The following MTHFD2L variants were observed in gnomAD, a reference collection of about 807,000 sequenced individuals.
MTHFD2L encodes methylenetetrahydrofolate dehydrogenase (NADP+ dependent) 2 like.
MTHFD2L carries 29 observed loss-of-function variants against 34.9 expected under a neutral mutation model. The ratio of observed to expected loss-of-function variants is 0.83; its 90% CI spans 0.62 to 1.13. MTHFD2L has a LOEUF of 1.13. Among genes scored for constraint, MTHFD2L ranks in the 50% most tolerant of loss-of-function variants. The pLI, the probability that MTHFD2L is intolerant of heterozygous loss-of-function variation, is 0.00. For missense variants in MTHFD2L, 481 were observed against 446.5 expected (o/e 1.08, Z -0.70); for synonymous variants, 167 against 155.7 (o/e 1.07, Z -0.54).
intron 3 of MTHFD2L, among the ~76,000 whole-genome samples, chr4:74,188,875 C>A (rs6817216): frequency 0.99 from 136,112 of 137,234 alleles, 67,516 homozygotes; most frequent in Middle Eastern, 1. Flanking sequence ...AAATGTATGC[C>A]GTCTATTATA....
chr4:74,215,158 T>G (rs762473790), intron 5 of MTHFD2L, among the ~76,000 whole-genome samples: 4 of 151,714 alleles, frequency 2.6e-5, no homozygotes, highest in African/African-American at 4.9e-5. Flanking sequence ...TGGGATCCGC[T>G]GAACTAGACC....
chr4:74,215,597 G>T, intron 5 of MTHFD2L, among the ~76,000 whole-genome samples: 1 of 151,770 alleles, frequency 6.6e-6, no homozygotes, highest in East Asian at 1.9e-4. Context: ...CCCACCTTCT[G>T]CATTGATCTC....
chr4:74,215,063 C>G (rs890762999), intron 5 of MTHFD2L, among the ~76,000 whole-genome samples: 1 of 151,718 alleles, frequency 6.6e-6, no homozygotes, highest in Non-Finnish European at 1.5e-5. Context: ...TGAACAAGCT[C>G]AAGCATCCCA....
chr4:74,257,795 A>G (rs1292586757), intron 6 of MTHFD2L, among the ~76,000 whole-genome samples: 1 of 152,160 alleles, frequency 6.6e-6, no homozygotes, highest in African/African-American at 2.4e-5. Flanking sequence ...AGACACTCAG[A>G]ATGAGAGATT....
intron 1 of MTHFD2L, among the ~76,000 whole-genome samples, chr4:74,149,384 CT>C (rs2109853473): frequency 6.7e-6 from 1 of 149,968 alleles, no homozygotes; most frequent in African/African-American, 2.4e-5. Context: ...CTAAATGCCC[CT>C]ATTTAATAAT....
rs1370401731 is a variant in MTHFD2L, at chr4:74,302,103, T to C, written c.*294T>C. 1.4e-5 allele frequency: 3 copies of C among 213,628 alleles called. No homozygotes were observed. Among genetic ancestry groups the C allele is most frequent in the Non-Finnish European group, 2.7e-5 (3 of 109,296 alleles). 13.2% of individuals were successfully genotyped at this position (213,628 alleles called of 1,614,324 possible). The stretch of plus-strand genomic sequence containing the variant: ...ATAAAGGGCTCATAATAAATAAATA[T>C]ATTTTTGACACAATTAAATATTACA... On this transcript the variant is annotated 3_prime_UTR_variant, in exon 8 of 8. Transcript: ENST00000325278.
At chr4:74,181,349 G>C (rs1289052255) in intron 3 of MTHFD2L, among the ~76,000 whole-genome samples, 2 of 152,140 alleles carry the variant, frequency 1.3e-5, no homozygotes, top group Non-Finnish European at 2.9e-5. Context: ...TGCCAACACT[G>C]TACAGAAGTG....
intron 6 of MTHFD2L, among the ~76,000 whole-genome samples, chr4:74,276,734 A>G (rs746504256): frequency 1.2e-4 from 19 of 152,136 alleles, no homozygotes; most frequent in Non-Finnish European, 2.5e-4. Flanking sequence ...GCTTCCGATC[A>G]TTTGCCTCTG....
chr4:74,230,233 G>C (rs1739805651), intron 6 of MTHFD2L, among the ~76,000 whole-genome samples: 1 of 152,154 alleles, frequency 6.6e-6, no homozygotes, highest in Admixed American at 6.6e-5. Context: ...TCATGAAAGA[G>C]TAGTTCATGT....
At chr4:74,264,249 G>T (rs574574128) in intron 6 of MTHFD2L, among the ~76,000 whole-genome samples, 19 of 152,094 alleles carry the variant, frequency 1.2e-4, no homozygotes, top group Admixed American at 3.3e-4. Flanking sequence ...AGACTAGGAA[G>T]GAGGAAGTAA....
intron 5 of MTHFD2L, among the ~76,000 whole-genome samples, chr4:74,205,190 A>G (rs1006199040): frequency 5.9e-5 from 9 of 152,190 alleles, no homozygotes; most frequent in African/African-American, 2.2e-4. Context: ...TATTATTAAT[A>G]TAATGAATCA....
intron 6 of MTHFD2L, among the ~76,000 whole-genome samples, chr4:74,281,072 C>T (rs1466865956): frequency 1.3e-5 from 2 of 151,836 alleles, no homozygotes; most frequent in Non-Finnish European, 2.9e-5. Flanking sequence ...TGCTCCACTC[C>T]ACCACACCTC....
chr4:74,284,695 C>G (rs1747931648), intron 7 of MTHFD2L, among the ~76,000 whole-genome samples: 1 of 151,992 alleles, frequency 6.6e-6, no homozygotes, highest in African/African-American at 2.4e-5. Context: ...CAGGAAACAA[C>G]AGGTGCTGGA....
Position 74,208,563 on chromosome 4 carries a change from TACA to T in MTHFD2L, c.712+7196_712+7198del, listed in dbSNP as rs369512085. The stretch of plus-strand genomic sequence containing the variant: ...TCAGCTAAAAGCCGAGTTCTTGTCA[TACA>T]ACCAGGAAAAATTAGGTTTGTGGAC... On this transcript the variant is annotated intron_variant, in intron 5 of 7. Transcript: ENST00000325278. Among the ~76,000 whole-genome samples the T allele has an allele frequency of 5.0e-3, 754 of 152,262 alleles. 9 individuals are homozygous for T. Among genetic ancestry groups the T allele is most frequent in the Middle Eastern group, 0.02 (6 of 294 alleles).
At chr4:74,171,303 AT>A (rs2109943366) in intron 1 of MTHFD2L, among the ~76,000 whole-genome samples, 1 of 152,308 alleles carries the variant, frequency 6.6e-6, no homozygotes, top group South Asian at 2.1e-4. Flanking sequence ...ACATACCACC[AT>A]ATGTCCACTA....
intron 6 of MTHFD2L, among the ~76,000 whole-genome samples, chr4:74,269,332 A>C (rs907272689): frequency 1.3e-5 from 2 of 152,148 alleles, no homozygotes; most frequent in Non-Finnish European, 2.9e-5. Context: ...TTTGTTAGAC[A>C]GAATTTTCTA....
intron 6 of MTHFD2L, among the ~76,000 whole-genome samples, chr4:74,231,054 A>G (rs1056784351): frequency 3.9e-5 from 6 of 152,180 alleles, no homozygotes; most frequent in African/African-American, 1.4e-4. Flanking sequence ...CATCCCTTCC[A>G]GCATGACGAA....
chr4:74,257,679 G>T (rs1367680440), intron 6 of MTHFD2L, among the ~76,000 whole-genome samples: 1 of 152,142 alleles, frequency 6.6e-6, no homozygotes, highest in Non-Finnish European at 1.5e-5. Flanking sequence ...TCTGGACTTT[G>T]GTTTGGGCAT....
At position 74,251,744 on chromosome 4, in the gene MTHFD2L, A is replaced by G. The variant is rs139724159; in HGVS notation, c.805+26350A>G. The stretch of plus-strand genomic sequence containing the variant: ...TTCCTATATCATAGTGCCATATTCT[A>G]TTATAGCTATCTGACTCTCTTTTGT... On this transcript the variant is annotated intron_variant, in intron 6 of 7. Transcript: ENST00000325278. Among the ~76,000 whole-genome samples the G allele has an allele frequency of 5.1e-4, 78 of 152,304 alleles. 2 individuals are homozygous for G. The highest frequency in any genetic ancestry group is 1.7e-3 in the African/African-American group (72 of 41,582).
Sources: gnomAD v4.1 joint callset for allele counts (sites outside exome capture counted in the v4.1 genomes callset) on GRCh38, gnomAD v4.1.1 for gene constraint, MANE v1.5 for transcripts, NCBI Gene and HGNC (gene_info 2026-07-23, HGNC 2026-07-21) for gene names.